Variants in BIRC6 observed in about 807,000 individuals in gnomAD.
The protein encoded by BIRC6 is dual E2 ubiquitin-conjugating enzyme/E3 ubiquitin-protein ligase BIRC6.
Under a neutral mutation model 503.3 loss-of-function variants are expected in BIRC6, and 98 were observed. The ratio of observed to expected loss-of-function variants is 0.19; its 90% CI spans 0.17 to 0.23. The LOEUF is 0.23. Ranked by LOEUF, BIRC6 falls within the 10% of genes least tolerant of loss-of-function variation. The pLI is 1.00. For synonymous variants in BIRC6, 2,240 were observed against 2,078.7 expected (o/e 1.08, Z -2.11); for missense variants, 5,360 against 5,806.0 (o/e 0.92, Z 2.50).
intron 21 of BIRC6, among the ~76,000 whole-genome samples, chr2:32,447,161 C>A (rs997811746): frequency 6.7e-6 from 1 of 150,164 alleles, no homozygotes; most frequent in Non-Finnish European, 1.5e-5. Context: ...TCTATCCACA[C>A]AGACCCGGCA....
At chr2:32,468,824 C>A in intron 29 of BIRC6, 41 bp downstream of exon 29, 1 of 1,411,276 alleles carries the variant, frequency 7.1e-7, no homozygotes, top group Non-Finnish European at 9.6e-7. Flanking sequence ...TGGGAATATA[C>A]TTGATGTGAT....
At position 32,377,904 on chromosome 2, in the gene BIRC6, C is replaced by A. The variant is rs143602733; in HGVS notation, c.507+135C>A. 457 of 729,260 alleles carry A rather than the reference C, an allele frequency of 6.3e-4. 3 individuals are homozygous for A. Among genetic ancestry groups the A allele is most frequent in the Middle Eastern group, 7.9e-4 (2 of 2,532 alleles). 45.2% of individuals were successfully genotyped at this position (729,260 alleles called of 1,614,324 possible). A position where few individuals can be genotyped will look rare whatever the true frequency, so the allele number is the denominator to read the frequency against. On this transcript the variant is annotated intron_variant, in intron 2 of 73. Coordinates refer to ENST00000421745, the MANE Select transcript of BIRC6 (RefSeq NM_016252.4). ...ATAAAAACAATTTACTTATTGACCA[C>A]AACTTCATTTAAATATTAATACTCA...
chr2:32,571,675 G>GT (rs58163367), intron 65 of BIRC6, among the ~76,000 whole-genome samples: 4,117 of 151,762 alleles, frequency 0.027, 198 homozygotes, highest in African/African-American at 0.094. Flanking sequence ...TATCAGTTTT[G>GT]TTTATCTTTT....
In BIRC6 at chr2:32,380,097, T is replaced by C. The variant is rs1032545942; in HGVS notation, c.508-56T>C. On this transcript the variant is annotated intron_variant, in intron 2 of 73. Transcript: ENST00000421745. ...TGAAAGAGGATCTGAATTTAATTTT[T>C]TGTTGTTCTTGTGTTGAATTTTCTG... 4.0e-6 allele frequency: 5 copies of C among 1,240,532 alleles called. No homozygotes were observed. The East Asian group carries it at 1.3e-4, about 32-fold the overall frequency. The allele number at this position is 1,240,532 out of a possible 1,614,324, so 76.8% of individuals were successfully genotyped here.
chr2:32,491,131 A>C (rs1027430544), intron 43 of BIRC6, among the ~76,000 whole-genome samples: 1 of 152,180 alleles, frequency 6.6e-6, no homozygotes, highest in Admixed American at 6.5e-5. Context: ...TAGTTAGAAT[A>C]GGCTTTCCAA....
At chr2:32,413,700 GA>G (rs1319844027) in intron 9 of BIRC6, among the ~76,000 whole-genome samples, 155 of 100,132 alleles carry the variant, frequency 1.5e-3, no homozygotes, top group Admixed American at 2.0e-3. Context: ...TATGTCTTAA[GA>G]AAAAAAAAAA....
chr2:32,514,839 T>C lies in BIRC6; in HGVS notation c.10569-151T>C, dbSNP rs561540555. On this transcript the variant is annotated intron_variant, in intron 54 of 73. Transcript: ENST00000421745. ...ATATATGTGTGTCTATATATATATA[T>C]ATGCAGTCTTAAATCTTACAATGTT... 13 of 605,602 alleles carry C rather than the reference T, an allele frequency of 2.1e-5. No homozygotes were observed. In the South Asian group the frequency reaches 2.9e-4, roughly 14 times the overall value. The allele number at this position is 605,602 out of a possible 1,614,324, so 37.5% of individuals were successfully genotyped here.
intron 61 of BIRC6, among the ~76,000 whole-genome samples, chr2:32,535,681 A>G (rs2057172924): frequency 6.6e-6 from 1 of 152,210 alleles, no homozygotes; most frequent in Non-Finnish European, 1.5e-5. Context: ...TATATGTCCC[A>G]CATTTTCTTA....
At chr2:32,612,790 T>C (rs1490811208) in intron 73 of BIRC6, among the ~76,000 whole-genome samples, 2 of 152,226 alleles carry the variant, frequency 1.3e-5, no homozygotes, top group Non-Finnish European at 2.9e-5. Flanking sequence ...CTTCTGCATA[T>C]GTTTGAATTT....
At position 32,449,696 on chromosome 2, in the gene BIRC6, G is replaced by A. The variant is rs115173730; in HGVS notation, c.4618+768G>A. Among the ~76,000 whole-genome samples the A allele has an allele frequency of 8.1e-3, 1,238 of 152,220 alleles. 8 individuals are homozygous for A. Among genetic ancestry groups the A allele is most frequent in the Middle Eastern group, 0.02 (6 of 294 alleles). ...GGTGTAATAAAAGCAAAATTAAAAA[G>A]ATCAAATACAAAAATATAAATGAAA... On this transcript the variant is annotated intron_variant, in intron 22 of 73. Transcript: ENST00000421745.
At chr2:32,370,079 C>T (rs1021009315) in intron 1 of BIRC6, among the ~76,000 whole-genome samples, 1 of 148,450 alleles carries the variant, frequency 6.7e-6, no homozygotes, top group Admixed American at 6.8e-5. Context: ...CACACACACA[C>T]ACAGCACGCA....
chr2:32,411,437 T>A (rs1038373701), intron 9 of BIRC6, among the ~76,000 whole-genome samples: 33 of 149,506 alleles, frequency 2.2e-4, no homozygotes, highest in African/African-American at 5.1e-4. Context: ...TTTATTTTTT[T>A]TTTTTAAATT....
At chr2:32,383,969 G>C (rs922886114) in intron 3 of BIRC6, among the ~76,000 whole-genome samples, 1 of 152,108 alleles carries the variant, frequency 6.6e-6, no homozygotes. Flanking sequence ...CCAGGTTTCC[G>C]CTTGTCAGTT....
chr2:32,515,810 A>G (rs1341044776), intron 55 of BIRC6, 40 bp downstream of exon 55: 2 of 1,526,788 alleles, frequency 1.3e-6, no homozygotes, highest in Admixed American at 4.1e-5. Flanking sequence ...TTGTTTTATT[A>G]CATAAGAAAG....
chr2:32,461,185 T>TCCCCTCCCCTTC (rs2047948985), intron 23 of BIRC6, among the ~76,000 whole-genome samples: 1 of 25,058 alleles, frequency 4.0e-5, no homozygotes, highest in South Asian at 1.7e-3. Flanking sequence ...CCCTCCCCTC[T>TCCCCTCCCCTTC]CCCCTCCCCT....
chr2:32,531,019 T>C (rs2056705163), intron 60 of BIRC6, among the ~76,000 whole-genome samples: 1 of 152,228 alleles, frequency 6.6e-6, no homozygotes, highest in African/African-American at 2.4e-5. Flanking sequence ...AAGTATGCCC[T>C]AAAGGACAGT....
Position 32,500,123 on chromosome 2 carries a change from A to C in BIRC6, c.9031+14A>C. The C allele has an allele frequency of 6.4e-7, 1 of 1,565,124 alleles. No homozygotes were observed. The highest frequency in any genetic ancestry group is 8.7e-7 in the Non-Finnish European group (1 of 1,152,174). ...CAATGATAATTGGTATGTATTGAGA[A>C]TATTAATCTTACCATTGTCTCTGAT... On this transcript the variant is annotated intron_variant, in intron 46 of 73. Transcript: ENST00000421745.
At position 32,357,390 on chromosome 2, in the gene BIRC6, C is replaced by T; in HGVS notation, c.229C>T (p.Pro77Ser). The stretch of plus-strand genomic sequence containing the variant: ...CGGGCTGCACAGCCTGTCCTACCAC[C>T]CTGCGCTCAACGCCATCCTGGCCGT... ...ADGLHSLSYHPALNAILAVTS... is the reference protein window; with the variant it reads ...ADGLHSLSYHSALNAILAVTS... The change falls in exon 1 of 74, where the codon CCT becomes TCT. Residue 77 changes from proline to serine, a missense_variant. Physicochemically the swap from Pro to Ser is moderately conservative, Grantham distance 74 (BLOSUM62 -1). This residue lies in a region of BIRC6 where 47 missense variants were observed against 93.3 expected (regional missense o/e 0.50). Coordinates refer to ENST00000421745, the MANE Select transcript of BIRC6 (RefSeq NM_016252.4). This position sits in a 1 kb window ranked among gnomAD's most constrained non-coding sequence, Gnocchi z 4.9. 1.3e-6 allele frequency: 2 copies of T among 1,549,164 alleles called. No individual in the cohort carries two copies. The highest frequency in any genetic ancestry group is 1.2e-5 in the South Asian group (1 of 83,940).
At chr2:32,474,621 G>C (rs1460410079) in intron 33 of BIRC6, among the ~76,000 whole-genome samples, 1 of 152,126 alleles carries the variant, frequency 6.6e-6, no homozygotes, top group African/African-American at 2.4e-5. Flanking sequence ...AGTAATCAGG[G>C]CGATTAGTCA....
Sources: gnomAD v4.1 joint callset for allele counts (sites outside exome capture counted in the v4.1 genomes callset) on GRCh38, gnomAD v4.1.1 for gene constraint, gnomAD v4.1.1 regional missense constraint, Gnocchi (gnomAD v3.1) non-coding constraint, MANE v1.5 for transcripts, NCBI Gene and HGNC (gene_info 2026-07-23, HGNC 2026-07-21) for gene names.